The following TBC1D16 variants were observed in gnomAD, a reference collection of about 807,000 sequenced individuals.
TBC1D16 encodes the protein TBC1 domain family member 16.
Under a neutral mutation model 74.7 loss-of-function variants are expected in TBC1D16, and 58 were observed. The observed-to-expected ratio is 0.78, with a 90% CI of 0.63 to 0.97. The LOEUF is 0.97. Among genes scored for constraint, TBC1D16 ranks in the 50% least tolerant of loss-of-function variants. The pLI, the probability that TBC1D16 is intolerant of heterozygous loss-of-function variation, is 0.00. For synonymous variants in TBC1D16, 493 were observed against 474.7 expected, an observed-to-expected ratio of 1.04 and a Z score of -0.50; for missense variants, 1,014 against 1,079.5, an observed-to-expected ratio of 0.94 and a Z score of 0.85.
chr17:80,008,340 C>A lies in TBC1D16; in HGVS notation c.779+1820G>T, dbSNP rs2035753905. On this transcript the variant is annotated intron_variant, in intron 3 of 11. Transcript: ENST00000310924. The surrounding 1 kb of genome is among the most constrained non-coding windows in gnomAD (Gnocchi z 4.5). ...ACTAACCAGTGATGCCAGGACTCAACCGGCACTCAACTCCCTAACTCCTAA... is the reference window on the plus strand; with the variant it reads ...ACTAACCAGTGATGCCAGGACTCAAACGGCACTCAACTCCCTAACTCCTAA... Among the ~76,000 whole-genome samples, 1 of 152,166 alleles carries A rather than the reference C, an allele frequency of 6.6e-6. No homozygotes were observed. Among genetic ancestry groups the A allele is most frequent in the African/African-American group, 2.4e-5 (1 of 41,428 alleles).
rs2035864649 is a variant in TBC1D16, at chr17:80,010,844, G to C, written c.182-87C>G. On this transcript the variant is annotated intron_variant, in intron 2 of 11. Coordinates refer to ENST00000310924, the MANE Select transcript of TBC1D16 (RefSeq NM_019020.4). This position sits in a 1 kb window ranked among gnomAD's most constrained non-coding sequence, Gnocchi z 8.8. Reference sequence around the variant, plus strand: ...GTACCTTTGGCGAGCTGCTCGGAGAGGCCACTGCCCTTTAGTAAAGTGCCA... The same window carrying C: ...GTACCTTTGGCGAGCTGCTCGGAGACGCCACTGCCCTTTAGTAAAGTGCCA... The C allele has an allele frequency of 9.9e-7, 1 of 1,005,982 alleles. No individual in the cohort carries two copies. The highest frequency in any genetic ancestry group is 1.4e-6 in the Non-Finnish European group (1 of 722,338). The allele number at this position is 1,005,982 out of a possible 1,614,324, so 62.3% of individuals were successfully genotyped here. A position where few individuals can be genotyped will look rare whatever the true frequency, so the allele number is the denominator to read the frequency against.
chr17:79,992,565 A>G (rs2035110671), intron 3 of TBC1D16, among the ~76,000 whole-genome samples: 1 of 152,222 alleles, frequency 6.6e-6, no homozygotes, highest in Non-Finnish European at 1.5e-5. Context: ...TGATGCCTTT[A>G]CAATCTACTG....
In TBC1D16 at chr17:79,950,746, A is replaced by C. The variant is rs772794539; in HGVS notation, c.1090-168T>G. 3.3e-6 allele frequency: 5 copies of C among 1,537,824 alleles called. No homozygotes were observed. In the African/African-American group the frequency reaches 6.8e-5, roughly 21 times the overall value. ...GCGAGTGTAATTAGGCGCAATTAAA[A>C]TGAAAATACCTTCATCTTAAAATCG... On this transcript the variant is annotated intron_variant, in intron 5 of 11. Transcript: ENST00000310924. The surrounding 1 kb of genome is among the most constrained non-coding windows in gnomAD (Gnocchi z 4.6).
chr17:79,992,590 C>T (rs576803821), intron 3 of TBC1D16, among the ~76,000 whole-genome samples: 7 of 152,226 alleles, frequency 4.6e-5, no homozygotes, highest in African/African-American at 1.2e-4. Context: ...CTGCCCTAAC[C>T]GCCAGTCCGA....
intron 1 of TBC1D16, among the ~76,000 whole-genome samples, chr17:80,022,097 G>A (rs917609241): frequency 4.7e-5 from 7 of 149,406 alleles, no homozygotes; most frequent in African/African-American, 1.0e-4. Context: ...GCTAAAGATC[G>A]TTAAACATTG....
intron 1 of TBC1D16, among the ~76,000 whole-genome samples, chr17:80,021,709 A>G (rs62074526): frequency 0.2 from 29,005 of 148,132 alleles, 4,525 homozygotes; most frequent in African/African-American, 0.35. Context: ...TCACAGACAC[A>G]CACACCACAC....
chr17:79,948,825 GCTTGCAGA>G (rs1322021248), intron 8 of TBC1D16, 39 bp downstream of exon 8: 2 of 1,612,486 alleles, frequency 1.2e-6, no homozygotes, highest in Non-Finnish European at 1.7e-6. Context: ...GTCAGGTGAG[GCTTGCAGA>G]CTTGCAGATG....
At chr17:79,982,150 T>C (rs1362198929) in intron 3 of TBC1D16, among the ~76,000 whole-genome samples, 3 of 151,318 alleles carry the variant, frequency 2.0e-5, no homozygotes, top group African/African-American at 7.3e-5. Context: ...GGTTTTTTTT[T>C]CTTTTTTTTT....
At position 79,942,265 on chromosome 17, in the gene TBC1D16, A is replaced by G. The variant is rs977489771; in HGVS notation, c.1909-59T>C. On this transcript the variant is annotated intron_variant, in intron 10 of 11. Coordinates refer to ENST00000310924, the MANE Select transcript of TBC1D16 (RefSeq NM_019020.4). ...TGACCGAGCCCCAGGCCCTGCACTCAGGGGGAAACTGAGTGCCAGGGTGCG... is the reference window on the plus strand; with the variant it reads ...TGACCGAGCCCCAGGCCCTGCACTCGGGGGGAAACTGAGTGCCAGGGTGCG... 8.5e-6 allele frequency: 13 copies of G among 1,521,582 alleles called. No homozygotes were observed. In the African/African-American group the frequency reaches 1.4e-4, roughly 16 times the overall value. The allele number at this position is 1,521,582 out of a possible 1,614,324, so 94.3% of individuals were successfully genotyped here.
At chr17:79,947,872 C>T (rs773934692) in intron 8 of TBC1D16, 41 bp from the exon 9 acceptor site, 3 of 1,548,394 alleles carry the variant, frequency 1.9e-6, no homozygotes, top group Non-Finnish European at 2.7e-6. Flanking sequence ...GGATGACCCT[C>T]ACCGCGGCAC....
intron 3 of TBC1D16, among the ~76,000 whole-genome samples, chr17:79,991,204 G>A (rs993053786): frequency 6.6e-6 from 1 of 152,240 alleles, no homozygotes; most frequent in East Asian, 1.9e-4. Flanking sequence ...TCCCGGGGGC[G>A]GTCCCTGCGT....
chr17:80,035,687 A>G lies in TBC1D16; in HGVS notation c.-63+108T>C, dbSNP rs190172357. On this transcript the variant is annotated intron_variant, in intron 1 of 11. Transcript: ENST00000310924. The surrounding 1 kb of genome is among the most constrained non-coding windows in gnomAD (Gnocchi z 5.3). ...CCGCGGCTGCAGGCCCACGCGCCCC[A>G]CGCGCCCCGCGCGCCCCCGCCCCAG... 27,264 of 146,444 alleles carry G rather than the reference A, an allele frequency of 0.19. 3,125 individuals carry two copies. Among genetic ancestry groups the G allele is most frequent in the East Asian group, 0.34 (1,667 of 4,944 alleles). 9.1% of individuals were successfully genotyped at this position (146,444 alleles called of 1,614,324 possible). A position where few individuals can be genotyped will look rare whatever the true frequency, so the allele number is the denominator to read the frequency against.
Position 79,993,652 on chromosome 17 carries a change from G to A in TBC1D16, c.779+16508C>T, listed in dbSNP as rs1019939994. On this transcript the variant is annotated intron_variant, in intron 3 of 11. Transcript: ENST00000310924. This position sits in a 1 kb window ranked among gnomAD's most constrained non-coding sequence, Gnocchi z 5.1. ...CTGGGTTACATTGCAACAGCCAGGC[G>A]TGGTTCCCCAGAGGTACGGTGTGAG... 6.6e-6 allele frequency: 1 copy of A among 152,268 alleles called. No homozygotes were observed. The highest frequency in any genetic ancestry group is 1.5e-5 in the Non-Finnish European group (1 of 68,060). The allele number at this position is 152,268 out of a possible 1,614,324, so 9.4% of individuals were successfully genotyped here.
intron 1 of TBC1D16, among the ~76,000 whole-genome samples, chr17:80,026,743 G>C (rs935512639): frequency 6.7e-6 from 1 of 150,030 alleles, no homozygotes; most frequent in African/African-American, 2.5e-5. Flanking sequence ...GTGTGGAGCA[G>C]TTGATGCCCA....
At position 79,987,350 on chromosome 17, in the gene TBC1D16, G is replaced by A. The variant is rs779802682; in HGVS notation, c.779+22810C>T. Among the ~76,000 whole-genome samples, 16 of 151,916 alleles carry A rather than the reference G, an allele frequency of 1.1e-4. No individual in the cohort carries two copies. Among genetic ancestry groups the A allele is most frequent in the Non-Finnish European group, 1.9e-4 (13 of 67,976 alleles). Reference sequence around the variant, plus strand: ...CCGCTTCCACCTCTTGGGCTCAAGCGATCCTCCCACTTCAGCCTCCCGAGT... The same window carrying A: ...CCGCTTCCACCTCTTGGGCTCAAGCAATCCTCCCACTTCAGCCTCCCGAGT... On this transcript the variant is annotated intron_variant, in intron 3 of 11. Transcript: ENST00000310924. This position sits in a 1 kb window ranked among gnomAD's most constrained non-coding sequence, Gnocchi z 5.2.
chr17:80,004,396 A>G (rs1017606797), intron 3 of TBC1D16, among the ~76,000 whole-genome samples: 1 of 152,182 alleles, frequency 6.6e-6, no homozygotes, highest in Non-Finnish European at 1.5e-5. Flanking sequence ...TGTCAATACC[A>G]CATCTTCTCC....
chr17:79,960,819 G>GAAAAAAA (rs2033582366), intron 3 of TBC1D16, among the ~76,000 whole-genome samples: 1 of 74,368 alleles, frequency 1.3e-5, no homozygotes, highest in Non-Finnish European at 2.7e-5. Flanking sequence ...ACGAAGGAAT[G>GAAAAAAA]AAACTGACAC....
Position 79,954,494 on chromosome 17 carries a change from G to A in TBC1D16, c.780-1676C>T, listed in dbSNP as rs1476723815. On this transcript the variant is annotated intron_variant, in intron 3 of 11. Coordinates refer to ENST00000310924, the MANE Select transcript of TBC1D16 (RefSeq NM_019020.4). The surrounding 1 kb of genome is among the most constrained non-coding windows in gnomAD (Gnocchi z 5.5). ...TGGGCTCTCAAGGAAACTGAGTCAG[G>A]TAAAACTAGATCAGAGATGGGCATG... 2.0e-5 allele frequency among the ~76,000 whole-genome samples: 3 copies of A among 152,200 alleles called. No homozygotes were observed. Among genetic ancestry groups the A allele is most frequent in the Non-Finnish European group, 4.4e-5 (3 of 68,028 alleles).
At chr17:80,005,462 G>A (rs903440133) in intron 3 of TBC1D16, among the ~76,000 whole-genome samples, 6 of 152,144 alleles carry the variant, frequency 3.9e-5, no homozygotes, top group African/African-American at 1.2e-4. Context: ...ATGACCAGTC[G>A]CGCTTGGTGG....
Sources: allele counts gnomAD v4.1 joint callset (sites outside exome capture counted in the v4.1 genomes callset), GRCh38; gene constraint gnomAD v4.1.1; non-coding constraint Gnocchi (gnomAD v3.1); transcripts MANE v1.5; gene names NCBI Gene and HGNC (gene_info 2026-07-23, HGNC 2026-07-21).